Variants in VPS13D observed in about 807,000 individuals in gnomAD.
The protein encoded by VPS13D is vacuolar protein sorting 13 homolog D.
VPS13D carries 187 observed loss-of-function variants against 461.9 expected under a neutral mutation model. The ratio of observed to expected loss-of-function variants is 0.40; its 90% CI spans 0.36 to 0.46. The LOEUF is 0.46. VPS13D is among the 20% of genes least tolerant of loss of function. The pLI, the probability that VPS13D is intolerant of heterozygous loss-of-function variation, is 0.60. For synonymous variants in VPS13D, 1,951 were observed against 1,986.3 expected (o/e 0.98, Z 0.47); for missense variants, 4,711 against 5,364.9 (o/e 0.88, Z 3.81).
chr1:12,424,970 C>T (rs905936182), intron 65 of VPS13D, among the ~76,000 whole-genome samples: 2 of 152,110 alleles, frequency 1.3e-5, no homozygotes, highest in African/African-American at 4.8e-5. Flanking sequence ...TGTGTTCAAG[C>T]TTTCTTAGGT....
chr1:12,391,773 A>G (rs1329063372), intron 60 of VPS13D, among the ~76,000 whole-genome samples: 3 of 152,172 alleles, frequency 2.0e-5, no homozygotes, highest in African/African-American at 7.2e-5. Context: ...CAAACAAAAC[A>G]TCTTATTTTA....
chr1:12,503,754 C>T (rs1646065481), intron 68 of VPS13D, among the ~76,000 whole-genome samples: 2 of 152,140 alleles, frequency 1.3e-5, no homozygotes, highest in Admixed American at 1.3e-4. Context: ...GCCTTCTTCC[C>T]TTGAGGTTTT....
intron 48 of VPS13D, 64 bp from the exon 49 acceptor site, chr1:12,356,334 C>T: frequency 1.3e-6 from 2 of 1,543,502 alleles, no homozygotes; most frequent in South Asian, 1.2e-5. Context: ...TATTCATTCA[C>T]CATTTGCATC....
At chr1:12,488,093 G>C (rs1466523284) in intron 67 of VPS13D, among the ~76,000 whole-genome samples, 55 of 152,142 alleles carry the variant, frequency 3.6e-4, no homozygotes, top group Admixed American at 3.6e-3. Flanking sequence ...ACCCACATGG[G>C]GTGTGCTCCT....
chr1:12,293,557 A>G lies in VPS13D; in HGVS notation c.5886A>G (p.Glu1962=), dbSNP rs766141298. 1.2e-6 allele frequency: 2 copies of G among 1,613,840 alleles called. No individual in the cohort carries two copies. Among genetic ancestry groups the G allele is most frequent in the South Asian group, 1.1e-5 (1 of 91,032 alleles). ...YGRPDPLLRR[E]HDIRVSLRMA... ...GGCCTGACCCTCTGCTCCGGAGAGA[A>G]CACGACATTCGCGTGAGCCTCCGGA... The change falls in exon 24 of 70, where the codon GAA becomes GAG. Residue 1962 remains glutamate (E), a synonymous_variant. Transcript: ENST00000620676.
chr1:12,293,299 T>C (rs1642184751), intron 23 of VPS13D, among the ~76,000 whole-genome samples: 1 of 152,224 alleles, frequency 6.6e-6, no homozygotes, highest in Admixed American at 6.5e-5. Context: ...ACCTCAGTGC[T>C]AGAGCTGTCC....
At chr1:12,320,244 A>AT (rs1432324876) in intron 32 of VPS13D, among the ~76,000 whole-genome samples, 1 of 152,188 alleles carries the variant, frequency 6.6e-6, no homozygotes, top group Non-Finnish European at 1.5e-5. Flanking sequence ...CGGAAATGTC[A>AT]TTATGCAATA....
intron 50 of VPS13D, 98 bp downstream of exon 50, chr1:12,358,699 G>A: frequency 6.8e-7 from 1 of 1,462,888 alleles, no homozygotes. Flanking sequence ...CTGACTACAA[G>A]TACTGATTTT....
intron 12 of VPS13D, 55 bp downstream of exon 12, chr1:12,261,204 C>T: frequency 6.3e-7 from 1 of 1,580,898 alleles, no homozygotes; most frequent in Non-Finnish European, 8.7e-7. Flanking sequence ...GTTATTTGTG[C>T]AACAGCTTGT....
At chr1:12,323,171 G>A (rs1269562766) in intron 34 of VPS13D, among the ~76,000 whole-genome samples, 1 of 152,170 alleles carries the variant, frequency 6.6e-6, no homozygotes, top group Non-Finnish European at 1.5e-5. Flanking sequence ...CTGGGCCCAA[G>A]CTATCTTCAC....
At chr1:12,490,176 T>A (rs115264308) in intron 67 of VPS13D, among the ~76,000 whole-genome samples, 1,793 of 152,308 alleles carry the variant, frequency 0.012, 20 homozygotes, top group Middle Eastern at 0.065. Context: ...GCACAAACCA[T>A]TTGCAGGGCT....
intron 18 of VPS13D, among the ~76,000 whole-genome samples, chr1:12,274,975 T>C (rs1244869641): frequency 1.3e-5 from 2 of 151,892 alleles, no homozygotes; most frequent in African/African-American, 4.8e-5. Flanking sequence ...TCCCAGCACT[T>C]AGGGAGGCTG....
rs544782803 is a variant in VPS13D, at chr1:12,361,637, C to T, written c.10142-1083C>T. The stretch of plus-strand genomic sequence containing the variant: ...GTCTCGATCTCCTGACCTCGTGATC[C>T]GCCCGCCTCGGCCTCCCAAAGTGCT... On this transcript the variant is annotated intron_variant, in intron 50 of 69. Transcript: ENST00000620676. 6.1e-4 allele frequency among the ~76,000 whole-genome samples: 92 copies of T among 151,596 alleles called. 1 individual carries two copies. In the South Asian group the frequency reaches 0.015, roughly 25 times the overall value.
intron 26 of VPS13D, among the ~76,000 whole-genome samples, chr1:12,307,931 G>T (rs1451199165): frequency 2.0e-5 from 3 of 152,210 alleles, no homozygotes; most frequent in East Asian, 3.8e-4. Context: ...AATTATGTAG[G>T]CCTAATGGAG....
intron 58 of VPS13D, among the ~76,000 whole-genome samples, chr1:12,383,395 A>G (rs971187890): frequency 6.6e-6 from 1 of 152,266 alleles, no homozygotes; most frequent in African/African-American, 2.4e-5. Flanking sequence ...CTAAAAAAGT[A>G]TAAGATTTAA....
At chr1:12,309,329 G>A (rs746325213) in intron 27 of VPS13D, among the ~76,000 whole-genome samples, 30 of 150,294 alleles carry the variant, frequency 2.0e-4, no homozygotes, top group Non-Finnish European at 4.1e-4. Context: ...TCCTTCCTCA[G>A]CCTCCCAAGT....
chr1:12,349,058 T>C (rs2101589249), intron 45 of VPS13D, 85 bp downstream of exon 45: 1 of 1,608,686 alleles, frequency 6.2e-7, no homozygotes, highest in East Asian at 2.2e-5. Flanking sequence ...AGTGGTATCT[T>C]CCCCAGCAGT....
At chr1:12,485,404 C>T (rs75655373) in intron 67 of VPS13D, among the ~76,000 whole-genome samples, 3,349 of 152,322 alleles carry the variant, frequency 0.022, 64 homozygotes, top group African/African-American at 0.039. Context: ...TCCTGGCCCT[C>T]CTTGCCTGCA....
chr1:12,371,063 G>A (rs1644108489), intron 54 of VPS13D, among the ~76,000 whole-genome samples: 1 of 152,036 alleles, frequency 6.6e-6, no homozygotes, highest in Admixed American at 6.5e-5. Context: ...TTGTTTTTGA[G>A]GTGAAACATA....
Sources: gnomAD v4.1 joint callset for allele counts (sites outside exome capture counted in the v4.1 genomes callset) on GRCh38, gnomAD v4.1.1 for gene constraint, MANE v1.5 for transcripts, NCBI Gene and HGNC (gene_info 2026-07-23, HGNC 2026-07-21) for gene names.